The following PRR16 variants were observed in gnomAD, a reference collection of about 807,000 sequenced individuals.
PRR16 encodes protein Largen.
In PRR16, 6 loss-of-function variants were observed where a neutral mutation model predicts 18.2. The ratio of observed to expected loss-of-function variants is 0.33; its 90% CI spans 0.18 to 0.65. The LOEUF is 0.65. Among genes scored for constraint, PRR16 ranks in the 30% least tolerant of loss-of-function variants. PRR16 has a pLI of 0.74. For synonymous variants in PRR16, 151 were observed against 147.8 expected, an observed-to-expected ratio of 1.02 and a Z score of -0.16; for missense variants, 412 against 376.6, an observed-to-expected ratio of 1.09 and a Z score of -0.78.
At chr5:120,515,673 G>C (rs1750966123) in intron 1 of PRR16, among the ~76,000 whole-genome samples, 8 of 152,016 alleles carry the variant, frequency 5.3e-5, no homozygotes, top group Admixed American at 5.2e-4. Context: ...ACCAATCTTT[G>C]ATATAATCTA....
At chr5:120,776,570 G>C in the PRR16 span, among the ~76,000 whole-genome samples, 1 of 152,004 alleles carries the variant, frequency 6.6e-6, no homozygotes, top group Non-Finnish European at 1.5e-5. Flanking sequence ...GATAAATAAG[G>C]TTCCAAAATA....
At chr5:120,740,015 A>C in the PRR16 span, among the ~76,000 whole-genome samples, 4 of 152,192 alleles carry the variant, frequency 2.6e-5, no homozygotes, top group African/African-American at 9.6e-5. Context: ...GTTATATTAT[A>C]ACCTCTAGGA....
intron 1 of PRR16, among the ~76,000 whole-genome samples, chr5:120,487,819 C>T (rs1749868049): frequency 1.3e-5 from 2 of 152,228 alleles, no homozygotes; most frequent in South Asian, 4.1e-4. Flanking sequence ...TGAGATACGT[C>T]CCAACAGTAC....
the PRR16 span, chr5:120,790,007 C>T: frequency 2.0e-5 from 3 of 152,202 alleles, no homozygotes; most frequent in South Asian, 6.2e-4. Flanking sequence ...ATTCGTTTTT[C>T]TCACTTGATT....
At chr5:120,560,926 A>G (rs1580725783) in intron 1 of PRR16, among the ~76,000 whole-genome samples, 1 of 152,108 alleles carries the variant, frequency 6.6e-6, no homozygotes. Context: ...AGTTGTACAT[A>G]GTAGCCACTA....
chr5:120,729,569 A>G, the PRR16 span, among the ~76,000 whole-genome samples: 1 of 152,002 alleles, frequency 6.6e-6, no homozygotes, highest in East Asian at 1.9e-4. Context: ...CTTATTGTCT[A>G]TTTCTCTTCC....
At chr5:120,737,200 T>C in the PRR16 span, among the ~76,000 whole-genome samples, 9 of 152,132 alleles carry the variant, frequency 5.9e-5, no homozygotes, top group African/African-American at 1.9e-4. Flanking sequence ...CCTGACTGAT[T>C]GGGAGAAACT....
intron 1 of PRR16, among the ~76,000 whole-genome samples, chr5:120,601,729 G>A (rs916469463): frequency 6.6e-6 from 1 of 151,784 alleles, no homozygotes; most frequent in Non-Finnish European, 1.5e-5. Context: ...TACATTTTAA[G>A]TTGATTTTTT....
chr5:120,660,045 G>A (rs1756123380), intron 1 of PRR16, among the ~76,000 whole-genome samples: 1 of 151,982 alleles, frequency 6.6e-6, no homozygotes, highest in African/African-American at 2.4e-5. Flanking sequence ...GCTCCATCCA[G>A]ATTGAGTGTG....
chr5:120,515,108 C>G (rs1458681061), intron 1 of PRR16, among the ~76,000 whole-genome samples: 2 of 152,162 alleles, frequency 1.3e-5, no homozygotes. Context: ...AGATCAAGTG[C>G]TGCATCTGGT....
chr5:120,688,967 G>A (rs955162194), downstream of PRR16, among the ~76,000 whole-genome samples: 6 of 152,220 alleles, frequency 3.9e-5, no homozygotes, highest in East Asian at 7.7e-4. Flanking sequence ...ATATTTTTCT[G>A]TGTGATTGGT....
intron 1 of PRR16, among the ~76,000 whole-genome samples, chr5:120,517,960 G>A (rs1751051599): frequency 6.6e-6 from 1 of 152,150 alleles, no homozygotes; most frequent in Admixed American, 6.5e-5. Flanking sequence ...TTTCCAAGCT[G>A]TATAAATTAT....
chr5:120,479,193 G>A (rs1472040099), intron 1 of PRR16, among the ~76,000 whole-genome samples: 2 of 152,130 alleles, frequency 1.3e-5, no homozygotes, highest in Non-Finnish European at 2.9e-5. Flanking sequence ...ATCCTATCAA[G>A]TTACTGAACT....
intron 1 of PRR16, among the ~76,000 whole-genome samples, chr5:120,500,071 A>G (rs1396137242): frequency 1.3e-5 from 2 of 151,116 alleles, no homozygotes; most frequent in Non-Finnish European, 2.9e-5. Flanking sequence ...GTGCTTCTTT[A>G]CAGTTTCTTG....
chr5:120,763,118 C>T, the PRR16 span, among the ~76,000 whole-genome samples: 52 of 151,562 alleles, frequency 3.4e-4, no homozygotes, highest in Non-Finnish European at 6.8e-4. Flanking sequence ...ATTGTTTATT[C>T]TGTTCCTTTT....
At chr5:120,632,790 A>G (rs566151788) in intron 1 of PRR16, among the ~76,000 whole-genome samples, 1 of 152,352 alleles carries the variant, frequency 6.6e-6, no homozygotes, top group African/African-American at 2.4e-5. Flanking sequence ...GAAATCTAAA[A>G]GTTTGGAAAA....
chr5:120,566,430 T>G (rs916518594), intron 1 of PRR16, among the ~76,000 whole-genome samples: 1 of 152,234 alleles, frequency 6.6e-6, no homozygotes, highest in Admixed American at 6.5e-5. Context: ...ACCAAACTAA[T>G]AGCATGACTG....
In PRR16 at chr5:120,500,834, G is replaced by T. The variant is rs748656874; in HGVS notation, c.159+36189G>T. On this transcript the variant is annotated intron_variant, in intron 1 of 1. Transcript: ENST00000407149. ...AAGCATGACAAAGTAAATCCATGAG[G>T]AGATAATCATAATTTATTAAGTTCT... Among the ~76,000 whole-genome samples, 100 of 152,126 alleles carry T rather than the reference G, an allele frequency of 6.6e-4. 1 individual carries two copies. The highest frequency in any genetic ancestry group is 3.5e-3 in the South Asian group (17 of 4,832).
rs1462146382 is a variant in PRR16 at position 120,519,542 on chromosome 5, G to A, written c.159+54897G>A. Among the ~76,000 whole-genome samples the A allele has an allele frequency of 2.6e-5, 4 of 152,110 alleles. 1 individual carries two copies. Among genetic ancestry groups the A allele is most frequent in the Admixed American group, 1.3e-4 (2 of 15,274 alleles). On this transcript the variant is annotated intron_variant, in intron 1 of 1. Transcript: ENST00000407149. ...ACTTCAAATATGAAGCTTTTGAAGAGTAATCCTGTATTACTTCACTCAATG... is the reference window on the plus strand; with the variant it reads ...ACTTCAAATATGAAGCTTTTGAAGAATAATCCTGTATTACTTCACTCAATG...
Sources: allele counts gnomAD v4.1 joint callset (sites outside exome capture counted in the v4.1 genomes callset), GRCh38; gene constraint gnomAD v4.1.1; transcripts MANE v1.5; gene names NCBI Gene and HGNC (gene_info 2026-07-23, HGNC 2026-07-21).